Variants in PRIM2 observed in about 807,000 individuals in gnomAD.
The protein encoded by PRIM2 is DNA primase large subunit.
A neutral mutation model predicts 67.3 loss-of-function variants in PRIM2; 39 were observed. The ratio of observed to expected loss-of-function variants is 0.58; its 90% CI spans 0.45 to 0.76. The LOEUF is 0.76. Ranked by LOEUF, PRIM2 falls within the 30% of genes least tolerant of loss-of-function variation. PRIM2 has a pLI of 0.00. For missense variants in PRIM2, 398 were observed against 598.7 expected (o/e 0.66, Z 3.50); for synonymous variants, 143 against 198.7 (o/e 0.72, Z 2.36).
Position 57,324,289 on chromosome 6 carries a change from A to G in PRIM2, c.338+9A>G. On this transcript the variant is annotated intron_variant, in intron 4 of 13. Transcript: ENST00000615550. ...CTTGCTTATTGCCAGTCGTAAGTAT[A>G]TGTTTATATTCTCACAGTCAAATCT... 5 of 1,538,316 alleles carry G rather than the reference A, an allele frequency of 3.3e-6. No individual in the cohort carries two copies. Among genetic ancestry groups the G allele is most frequent in the Non-Finnish European group, 4.5e-6 (5 of 1,119,288 alleles).
intron 7 of PRIM2, among the ~76,000 whole-genome samples, chr6:57,385,533 T>C (rs1472979775): frequency 6.6e-6 from 1 of 152,192 alleles, no homozygotes; most frequent in Non-Finnish European, 1.5e-5. Flanking sequence ...ATAAGAAAAT[T>C]AATGTTTATA....
intron 9 of PRIM2, among the ~76,000 whole-genome samples, 174 bp downstream of exon 9, chr6:57,532,657 C>A (rs1181004119): frequency 4.9e-4 from 74 of 152,218 alleles, no homozygotes; most frequent in Middle Eastern, 3.4e-3. Context: ...ATAAGAAAAT[C>A]ATTTAATCAG....
chr6:57,629,096 A>G (rs1464638508), intron 12 of PRIM2, among the ~76,000 whole-genome samples: 3 of 152,172 alleles, frequency 2.0e-5, no homozygotes, highest in Non-Finnish European at 4.4e-5. Flanking sequence ...ATCAAAATAG[A>G]GTTACCTGCA....
chr6:57,306,640 C>A, the PRIM2 span, among the ~76,000 whole-genome samples: 1 of 152,090 alleles, frequency 6.6e-6, no homozygotes, highest in African/African-American at 2.4e-5. Flanking sequence ...CCCCACTGAG[C>A]CATCAGCAGT....
intron 10 of PRIM2, among the ~76,000 whole-genome samples, chr6:57,575,826 T>C (rs1775953760): frequency 6.6e-6 from 1 of 152,184 alleles, no homozygotes; most frequent in Non-Finnish European, 1.5e-5. Context: ...TTGCCCAGGC[T>C]GTAGTGCAGT....
At chr6:57,478,885 G>A (rs1211658041) in intron 7 of PRIM2, among the ~76,000 whole-genome samples, 1 of 152,192 alleles carries the variant, frequency 6.6e-6, no homozygotes, top group African/African-American at 2.4e-5. Context: ...GGTGGCTCAC[G>A]CCTGTAATCC....
chr6:57,273,033 G>A, the PRIM2 span, among the ~76,000 whole-genome samples: 117 of 152,254 alleles, frequency 7.7e-4, no homozygotes, highest in Admixed American at 1.9e-3. Context: ...TGGGTAACCC[G>A]ACCTTTCTCT....
intron 7 of PRIM2, among the ~76,000 whole-genome samples, chr6:57,391,816 T>C (rs989992635): frequency 4.6e-5 from 7 of 152,184 alleles, no homozygotes; most frequent in Non-Finnish European, 1.0e-4. Context: ...CGTTGTTCTT[T>C]CTGCTTAGGA....
At chr6:57,316,151 G>A (rs1422602655), upstream of PRIM2, among the ~76,000 whole-genome samples, 2 of 152,128 alleles carry the variant, frequency 1.3e-5, no homozygotes, top group Non-Finnish European at 2.9e-5. Context: ...TTCAGTTTCC[G>A]TATCTAGAAA....
intron 12 of PRIM2, among the ~76,000 whole-genome samples, chr6:57,619,169 C>T (rs1776807217): frequency 6.6e-6 from 1 of 152,116 alleles, no homozygotes; most frequent in Non-Finnish European, 1.5e-5. Context: ...AGAAGAGAGA[C>T]AACAATTATT....
chr6:57,409,410 C>T (rs6900308), intron 7 of PRIM2, among the ~76,000 whole-genome samples: 5 of 152,260 alleles, frequency 3.3e-5, no homozygotes, highest in South Asian at 2.1e-4. Context: ...CTCCTGACCT[C>T]GTGATCGCCC....
chr6:57,515,161 T>C (rs1223891814), intron 8 of PRIM2, among the ~76,000 whole-genome samples: 1 of 152,156 alleles, frequency 6.6e-6, no homozygotes, highest in African/African-American at 2.4e-5. Context: ...GAAAATTGAT[T>C]TTCATGACTC....
At chr6:57,312,653 G>C (rs964432265), upstream of PRIM2, among the ~76,000 whole-genome samples, 1 of 152,042 alleles carries the variant, frequency 6.6e-6, no homozygotes, top group Non-Finnish European at 1.5e-5. Context: ...TTAACCATTT[G>C]TAAGTGTACA....
At chr6:57,384,490 T>C (rs1449588627) in intron 7 of PRIM2, among the ~76,000 whole-genome samples, 1 of 152,172 alleles carries the variant, frequency 6.6e-6, no homozygotes, top group African/African-American at 2.4e-5. Context: ...CTAAATAAGG[T>C]CACATTCTGA....
chr6:57,584,563 T>C (rs1776155897), intron 10 of PRIM2, among the ~76,000 whole-genome samples: 1 of 152,182 alleles, frequency 6.6e-6, no homozygotes, highest in Non-Finnish European at 1.5e-5. Context: ...CTGTATACTA[T>C]GGAGTCCAGA....
At chr6:57,536,197 CTCTT>C (rs1774999796) in intron 9 of PRIM2, among the ~76,000 whole-genome samples, 2 of 152,136 alleles carry the variant, frequency 1.3e-5, no homozygotes, top group African/African-American at 4.8e-5. Context: ...GTGAGACCTG[CTCTT>C]TCTTATAGAT....
At chr6:57,271,361 G>T in the PRIM2 span, among the ~76,000 whole-genome samples, 6 of 152,312 alleles carry the variant, frequency 3.9e-5, no homozygotes, top group Non-Finnish European at 8.8e-5. Context: ...TCGTGGGAGG[G>T]TGTATGTGTC....
At chr6:57,421,683 T>C (rs1771471006) in intron 7 of PRIM2, among the ~76,000 whole-genome samples, 1 of 152,238 alleles carries the variant, frequency 6.6e-6, no homozygotes, top group Non-Finnish European at 1.5e-5. Flanking sequence ...TTTCCTTTTA[T>C]TTCAGCTTTC....
chr6:57,604,843 G>A (rs1244623598), intron 11 of PRIM2, among the ~76,000 whole-genome samples: 117 of 151,668 alleles, frequency 7.7e-4, no homozygotes, highest in Non-Finnish European at 1.1e-3. Flanking sequence ...GGTGCCTGCC[G>A]CCATGCCCAG....
Sources: allele counts gnomAD v4.1 joint callset (sites outside exome capture counted in the v4.1 genomes callset), GRCh38; gene constraint gnomAD v4.1.1; transcripts MANE v1.5; gene names NCBI Gene and HGNC (gene_info 2026-07-23, HGNC 2026-07-21).